MIGA1: variants seen among roughly 807,000 people sequenced by gnomAD.
MIGA1 encodes mitoguardin 1.
In MIGA1, 58 loss-of-function variants were observed where a neutral mutation model predicts 82.0. The ratio of observed to expected loss-of-function variants is 0.71; its 90% CI spans 0.57 to 0.88. The LOEUF (loss-of-function observed/expected upper bound fraction) is 0.88, where lower values mean the gene tolerates loss of function less well. MIGA1 is among the 40% of genes least tolerant of loss of function. MIGA1 has a pLI of 0.00. For synonymous variants in MIGA1, 249 were observed against 253.6 expected (o/e 0.98, Z 0.17); for missense variants, 751 against 749.1 (o/e 1.00, Z -0.03).
At chr1:77,860,260 C>A (rs1055616633) in intron 11 of MIGA1, 134 bp downstream of exon 11, 6 of 608,280 alleles carry the variant, frequency 9.9e-6, no homozygotes, top group Non-Finnish European at 1.4e-5. Flanking sequence ...TTAAGTTATG[C>A]TCGGGTTGAA....
At position 77,876,723 on chromosome 1, in the gene MIGA1, T is replaced by A. The variant is rs1646896726; in HGVS notation, c.*1659T>A. ...GACATTTTAAAGAAGAGTTTTTTCC[T>A]CCCTGGAATGTAAAACAAAAATATT... On this transcript the variant is annotated 3_prime_UTR_variant, in exon 16 of 16. Coordinates refer to ENST00000370791, the MANE Select transcript of MIGA1 (RefSeq NM_198549.4). 1.3e-5 allele frequency: 2 copies of A among 152,178 alleles called. No homozygotes were observed. Among genetic ancestry groups the A allele is most frequent in the South Asian group, 4.1e-4 (2 of 4,832 alleles). 9.4% of individuals were successfully genotyped at this position (152,178 alleles called of 1,614,324 possible). A position where few individuals can be genotyped will look rare whatever the true frequency, so the allele number is the denominator to read the frequency against.
chr1:77,835,565 A>G (rs1684394912), intron 7 of MIGA1, among the ~76,000 whole-genome samples: 1 of 152,206 alleles, frequency 6.6e-6, no homozygotes, highest in Non-Finnish European at 1.5e-5. Flanking sequence ...TCTAATGTTC[A>G]TTATCATTCA....
rs906035483 is a variant in MIGA1 at position 77,870,839 on chromosome 1, C to T, written c.1564-2165C>T. The stretch of plus-strand genomic sequence containing the variant: ...GACTCCGTCTGCAATCCCGGCACCT[C>T]GGGAGGCCGAGGCCGGCGGATCACT... On this transcript the variant is annotated intron_variant, in intron 14 of 15. Transcript: ENST00000370791. 2.4e-4 allele frequency among the ~76,000 whole-genome samples: 37 copies of T among 151,246 alleles called. No homozygotes were observed. The East Asian group carries it at 6.4e-3, about 26-fold the overall frequency.
intron 7 of MIGA1, among the ~76,000 whole-genome samples, chr1:77,838,180 A>T (rs1242749259): frequency 6.6e-6 from 1 of 152,188 alleles, no homozygotes; most frequent in African/African-American, 2.4e-5. Flanking sequence ...AAAAAGTACA[A>T]TTATTTATCA....
At position 77,783,357 on chromosome 1, in the gene MIGA1, T is replaced by TA. The variant is rs762504925; in HGVS notation, c.195+10dup. 1.6e-5 allele frequency: 24 copies of TA among 1,514,790 alleles called. No homozygotes were observed. In the South Asian group the frequency reaches 2.4e-4, roughly 15 times the overall value. 93.8% of individuals were successfully genotyped at this position (1,514,790 alleles called of 1,614,324 possible). A position where few individuals can be genotyped will look rare whatever the true frequency, so the allele number is the denominator to read the frequency against. On this transcript the variant is annotated splice_region_variant and intron_variant, in intron 2 of 15. Transcript: ENST00000370791. ...GGTACTATTCTCTCTCCCAGGTAAA[T>TA]AAAAGAAGCAAACAGGAAGTTGAAT...
chr1:77,801,414 T>A lies in MIGA1; in HGVS notation c.279T>A (p.Phe93Leu), dbSNP rs1557900137. The A allele has an allele frequency of 1.1e-5, 17 of 1,609,422 alleles. No individual in the cohort carries two copies. The highest frequency in any genetic ancestry group is 1.4e-5 in the Non-Finnish European group (17 of 1,179,194). ...CTGTAATTTTTCTGGCTCATCACTT[T>A]AAAAGAAAACGTGGAAAGAAGAAAG... is the stretch of plus-strand genomic sequence containing the variant. Residue 93 changes from phenylalanine to leucine, a missense_variant, in exon 3 of 16, where the codon TTT becomes TTA. Around this residue, in one of 3 missense-constraint regions of MIGA1, gnomAD observed 482 missense variants for 439.4 expected, o/e 1.10. Coordinates refer to ENST00000370791, the MANE Select transcript of MIGA1 (RefSeq NM_198549.4).
chr1:77,850,034 C>CAA (rs377438344), intron 8 of MIGA1, among the ~76,000 whole-genome samples: 239 of 97,378 alleles, frequency 2.5e-3, no homozygotes, highest in Middle Eastern at 7.6e-3. Context: ...GACTCTCTCT[C>CAA]AAAAAAAAAA....
chr1:77,783,857 C>T (rs921747868), intron 2 of MIGA1, among the ~76,000 whole-genome samples: 2 of 152,212 alleles, frequency 1.3e-5, no homozygotes, highest in Admixed American at 1.3e-4. Flanking sequence ...TCCCCACCAC[C>T]ATTCTGTTTC....
At chr1:77,796,499 T>A (rs1682663400) in intron 2 of MIGA1, among the ~76,000 whole-genome samples, 1 of 151,996 alleles carries the variant, frequency 6.6e-6, no homozygotes, top group African/African-American at 2.4e-5. Context: ...AGTAGCTCAC[T>A]GCAACCTCGA....
rs184860843 is a variant in MIGA1 at position 77,866,470 on chromosome 1, G to A, written c.1563+79G>A. On this transcript the variant is annotated intron_variant, in intron 14 of 15. Coordinates refer to ENST00000370791, the MANE Select transcript of MIGA1 (RefSeq NM_198549.4). ...AAAGCAGCTTCTGAGTCACTTCTCC[G>A]GTGGGAATTGGCAGCTGTAGGAGGG... The A allele has an allele frequency of 2.1e-5, 28 of 1,345,240 alleles. No individual in the cohort carries two copies. The East Asian group carries it at 3.7e-4, about 18-fold the overall frequency. 83.3% of individuals were successfully genotyped at this position (1,345,240 alleles called of 1,614,324 possible). A position where few individuals can be genotyped will look rare whatever the true frequency, so the allele number is the denominator to read the frequency against.
chr1:77,851,216 T>C (rs919174431), intron 8 of MIGA1, among the ~76,000 whole-genome samples: 13 of 152,316 alleles, frequency 8.5e-5, no homozygotes, highest in South Asian at 2.1e-4. Context: ...TTCTGAAATA[T>C]GGGAAATAAC....
At chr1:77,838,293 C>G (rs963217300) in intron 7 of MIGA1, among the ~76,000 whole-genome samples, 1 of 152,092 alleles carries the variant, frequency 6.6e-6, no homozygotes, top group African/African-American at 2.4e-5. Context: ...GAATGAGCAA[C>G]TGTCCTGATG....
chr1:77,861,340 G>C lies in MIGA1; in HGVS notation c.1374+18G>C. On this transcript the variant is annotated intron_variant, in intron 12 of 15. Coordinates refer to ENST00000370791, the MANE Select transcript of MIGA1 (RefSeq NM_198549.4). ...CTAGAGGGGTAAATTCAAATTTTTT[G>C]TGATATTTATTTTTCTTAGTTATTT... 2.7e-6 allele frequency: 4 copies of C among 1,482,424 alleles called. No homozygotes were observed. Among genetic ancestry groups the C allele is most frequent in the Non-Finnish European group, 3.8e-6 (4 of 1,066,462 alleles). 91.8% of individuals were successfully genotyped at this position (1,482,424 alleles called of 1,614,324 possible). A position where few individuals can be genotyped will look rare whatever the true frequency, so the allele number is the denominator to read the frequency against.
At position 77,875,554 on chromosome 1, in the gene MIGA1, T is replaced by C. The variant is rs1444837979; in HGVS notation, c.*490T>C. 6.3e-6 allele frequency: 1 copy of C among 157,636 alleles called. No individual in the cohort carries two copies. Among genetic ancestry groups the C allele is most frequent in the Non-Finnish European group, 1.4e-5 (1 of 71,358 alleles). 9.8% of individuals were successfully genotyped at this position (157,636 alleles called of 1,614,324 possible). On this transcript the variant is annotated 3_prime_UTR_variant, in exon 16 of 16. Coordinates refer to ENST00000370791, the MANE Select transcript of MIGA1 (RefSeq NM_198549.4). ...CATTTGTTTAATCAAGTTTAGGCAGTAATGATGTTTAATATGTACTGCATA... is the reference window on the plus strand; with the variant it reads ...CATTTGTTTAATCAAGTTTAGGCAGCAATGATGTTTAATATGTACTGCATA...
intron 7 of MIGA1, among the ~76,000 whole-genome samples, chr1:77,828,112 T>C (rs1465383819): frequency 2.0e-5 from 3 of 152,250 alleles, no homozygotes; most frequent in Non-Finnish European, 4.4e-5. Context: ...TGGTTTCCTT[T>C]GTGACATTGA....
chr1:77,814,986 C>A (rs904954640), intron 6 of MIGA1, 122 bp from the exon 7 acceptor site: 1 of 628,708 alleles, frequency 1.6e-6, no homozygotes, highest in Non-Finnish European at 2.4e-6. Flanking sequence ...CTCTTTCCAC[C>A]ATCTCTCAGT....
At chr1:77,791,559 G>GTTTT (rs71075763) in intron 2 of MIGA1, among the ~76,000 whole-genome samples, 2 of 124,704 alleles carry the variant, frequency 1.6e-5, no homozygotes, top group African/African-American at 3.0e-5. Flanking sequence ...AGATATTTAA[G>GTTTT]TTTTTTTTTT....
intron 7 of MIGA1, among the ~76,000 whole-genome samples, chr1:77,822,383 ACCTATGCAC>A (rs1206257196): frequency 1.3e-5 from 2 of 152,134 alleles, no homozygotes; most frequent in Admixed American, 1.3e-4. Flanking sequence ...CTATGTTGGT[ACCTATGCAC>A]TCTAGCCTGG....
chr1:77,799,910 C>T (rs1206102134), intron 2 of MIGA1, among the ~76,000 whole-genome samples: 1 of 149,552 alleles, frequency 6.7e-6, no homozygotes, highest in Non-Finnish European at 1.5e-5. Context: ...CTTTATAATG[C>T]TTCCTATATC....
Sources: gnomAD v4.1 joint callset for allele counts (sites outside exome capture counted in the v4.1 genomes callset) on GRCh38, gnomAD v4.1.1 for gene constraint, gnomAD v4.1.1 regional missense constraint, MANE v1.5 for transcripts, NCBI Gene and HGNC (gene_info 2026-07-23, HGNC 2026-07-21) for gene names.